Variants in LRP12 observed in about 807,000 individuals in gnomAD.
LRP12 encodes the protein low-density lipoprotein receptor-related protein 12.
A neutral mutation model predicts 66.0 loss-of-function variants in LRP12; 14 were observed. The ratio of observed to expected loss-of-function variants is 0.21; its 90% CI spans 0.14 to 0.33. LRP12 has a LOEUF of 0.33. LRP12 is among the 10% of genes least tolerant of loss of function. The probability of loss-of-function intolerance (pLI) is 1.00; values close to 1 mark genes in which losing one functional copy is unlikely to be tolerated. For missense variants in LRP12, 889 were observed against 1,053.4 expected (o/e 0.84, Z 2.16); for synonymous variants, 357 against 359.1 (o/e 0.99, Z 0.07).
intron 2 of LRP12, among the ~76,000 whole-genome samples, chr8:104,526,051 A>C (rs1588492297): frequency 6.6e-6 from 1 of 152,170 alleles, no homozygotes; most frequent in African/African-American, 2.4e-5. Flanking sequence ...ACAAACAGAG[A>C]GCCAAATCAT....
At chr8:104,509,338 A>G (rs1564131925) in intron 2 of LRP12, among the ~76,000 whole-genome samples, 1 of 152,228 alleles carries the variant, frequency 6.6e-6, no homozygotes, top group Non-Finnish European at 1.5e-5. Flanking sequence ...CTTGGAGCCA[A>G]CAGTGGTCTG....
chr8:104,517,429 G>A (rs1229856140), intron 2 of LRP12, among the ~76,000 whole-genome samples: 1 of 151,842 alleles, frequency 6.6e-6, no homozygotes, highest in Non-Finnish European at 1.5e-5. Context: ...AGAATTTAAT[G>A]ACCCAAATTC....
At chr8:104,540,835 G>C (rs535759917) in intron 1 of LRP12, among the ~76,000 whole-genome samples, 1 of 152,304 alleles carries the variant, frequency 6.6e-6, no homozygotes, top group Admixed American at 6.5e-5. Flanking sequence ...CCTGGTTAAA[G>C]CAATTCTCCT....
chr8:104,535,325 T>C (rs1439716288), intron 1 of LRP12, among the ~76,000 whole-genome samples: 1 of 151,948 alleles, frequency 6.6e-6, no homozygotes, highest in Non-Finnish European at 1.5e-5. Context: ...ATATGAAGTT[T>C]AAGTTCTAGA....
Position 104,553,232 on chromosome 8 carries a change from G to A in LRP12, c.80-21269C>T, listed in dbSNP as rs146947612. ...ATGTGAAGTTTACTGGACAGAATCC[G>A]GGGGAGGGGGAAAATGGGGAGTGCA... is the stretch of plus-strand genomic sequence containing the variant. On this transcript the variant is annotated intron_variant, in intron 1 of 6. Coordinates refer to ENST00000276654, the MANE Select transcript of LRP12 (RefSeq NM_013437.5). Among the ~76,000 whole-genome samples the A allele has an allele frequency of 6.0e-3, 912 of 152,302 alleles. 11 individuals carry two copies. Among genetic ancestry groups the A allele is most frequent in the African/African-American group, 0.021 (858 of 41,576 alleles).
intron 1 of LRP12, among the ~76,000 whole-genome samples, chr8:104,568,423 T>C (rs1332152869): frequency 6.6e-6 from 1 of 152,102 alleles, no homozygotes; most frequent in South Asian, 2.1e-4. Flanking sequence ...CTAGGTAAAC[T>C]GGACTGTCTC....
chr8:104,545,479 G>C (rs899887074), intron 1 of LRP12, among the ~76,000 whole-genome samples: 1 of 152,114 alleles, frequency 6.6e-6, no homozygotes, highest in African/African-American at 2.4e-5. Context: ...TTTCTGATGT[G>C]ACAAACTTCA....
intron 2 of LRP12, among the ~76,000 whole-genome samples, chr8:104,527,691 G>A (rs981100244): frequency 1.3e-5 from 2 of 152,062 alleles, no homozygotes; most frequent in Non-Finnish European, 2.9e-5. Flanking sequence ...GTGGGGTAAG[G>A]GGAGCGAGGA....
At chr8:104,574,754 C>A (rs952652134) in intron 1 of LRP12, among the ~76,000 whole-genome samples, 2 of 152,030 alleles carry the variant, frequency 1.3e-5, no homozygotes, top group Non-Finnish European at 2.9e-5. Context: ...CTACTGATCA[C>A]GTGTTGAAAT....
chr8:104,512,317 T>C (rs1811011722), intron 2 of LRP12, among the ~76,000 whole-genome samples: 1 of 152,048 alleles, frequency 6.6e-6, no homozygotes, highest in African/African-American at 2.4e-5. Flanking sequence ...CTTTTCATTA[T>C]CTCCTAACAC....
At chr8:104,549,359 TAG>T (rs1811690693) in intron 1 of LRP12, among the ~76,000 whole-genome samples, 1 of 150,956 alleles carries the variant, frequency 6.6e-6, no homozygotes, top group South Asian at 2.1e-4. Context: ...ATGACCTACT[TAG>T]AAAACACTTT....
Position 104,490,636 on chromosome 8 carries a change from T to C in LRP12, c.*37A>G. On this transcript the variant is annotated 3_prime_UTR_variant, in exon 7 of 7. Coordinates refer to ENST00000276654, the MANE Select transcript of LRP12 (RefSeq NM_013437.5). ...TTACAAAATAATAAATGGATATTGCTCCAACTTGTATACAATCTCCCTTAT... is the reference window on the plus strand; with the variant it reads ...TTACAAAATAATAAATGGATATTGCCCCAACTTGTATACAATCTCCCTTAT... 1 of 1,539,424 alleles carries C rather than the reference T, an allele frequency of 6.5e-7. No individual in the cohort carries two copies. Among genetic ancestry groups the C allele is most frequent in the Non-Finnish European group, 8.7e-7 (1 of 1,146,662 alleles).
At chr8:104,562,632 G>A (rs542716887) in intron 1 of LRP12, among the ~76,000 whole-genome samples, 4 of 152,110 alleles carry the variant, frequency 2.6e-5, no homozygotes, top group East Asian at 1.9e-4. Flanking sequence ...AAATTAACAC[G>A]TGGTATTTGT....
intron 1 of LRP12, among the ~76,000 whole-genome samples, chr8:104,533,789 T>C (rs547151279): frequency 6.6e-6 from 1 of 152,206 alleles, no homozygotes; most frequent in South Asian, 2.1e-4. Flanking sequence ...CAGCTGGGAC[T>C]ACAGGAGTGT....
At chr8:104,579,973 A>G (rs532110880) in intron 1 of LRP12, among the ~76,000 whole-genome samples, 1 of 152,124 alleles carries the variant, frequency 6.6e-6, no homozygotes, top group African/African-American at 2.4e-5. Flanking sequence ...AACTATAAAA[A>G]CCCTGGAAGA....
chr8:104,583,423 A>T (rs1812285680), intron 1 of LRP12, among the ~76,000 whole-genome samples: 1 of 152,140 alleles, frequency 6.6e-6, no homozygotes, highest in Non-Finnish European at 1.5e-5. Context: ...TTACCCAACC[A>T]TAACACAGTT....
intron 1 of LRP12, among the ~76,000 whole-genome samples, chr8:104,585,197 AC>A (rs1812310607): frequency 6.6e-6 from 1 of 152,232 alleles, no homozygotes; most frequent in Admixed American, 6.5e-5. Context: ...AAAATGATAT[AC>A]AAACAAGAAA....
At chr8:104,540,141 G>C (rs1168010091) in intron 1 of LRP12, among the ~76,000 whole-genome samples, 1 of 140,036 alleles carries the variant, frequency 7.1e-6, no homozygotes. Flanking sequence ...CCTCTTATAA[G>C]AAGAGGAGAT....
At chr8:104,554,437 T>C (rs1480352437) in intron 1 of LRP12, among the ~76,000 whole-genome samples, 1 of 151,176 alleles carries the variant, frequency 6.6e-6, no homozygotes, top group African/African-American at 2.4e-5. Context: ...TAAAAAACAA[T>C]CACAACTTCT....
Sources: allele counts gnomAD v4.1 joint callset (sites outside exome capture counted in the v4.1 genomes callset), GRCh38; gene constraint gnomAD v4.1.1; transcripts MANE v1.5; gene names NCBI Gene and HGNC (gene_info 2026-07-23, HGNC 2026-07-21).